The following CD101 variants were observed in gnomAD, a reference collection of about 807,000 sequenced individuals.
The protein encoded by CD101 is CD101 molecule.
Under a neutral mutation model 98.2 loss-of-function variants are expected in CD101, and 76 were observed. The ratio of observed to expected loss-of-function variants is 0.77; its 90% CI spans 0.64 to 0.94. CD101 has a LOEUF of 0.94. Among genes scored for constraint, CD101 ranks in the 40% least tolerant of loss-of-function variants. The pLI, the probability that CD101 is intolerant of heterozygous loss-of-function variation, is 0.00. For synonymous variants in CD101, 471 were observed against 472.7 expected (o/e 1.00, Z 0.05); for missense variants, 1,145 against 1,218.8 (o/e 0.94, Z 0.90).
In CD101 at chr1:117,021,831, A is replaced by G; in HGVS notation, c.2276A>G (p.Asp759Gly). 1 of 1,614,162 alleles carries G rather than the reference A, an allele frequency of 6.2e-7. No homozygotes were observed. Among genetic ancestry groups the G allele is most frequent in the South Asian group, 1.1e-5 (1 of 91,082 alleles). Residue 759 changes from aspartate to glycine, a missense_variant, in exon 7 of 10, where the codon GAC becomes GGC. Physicochemically the swap from Asp to Gly is moderately conservative, Grantham distance 94 (BLOSUM62 -1). Transcript: ENST00000682167. This position sits in a 1 kb window ranked among gnomAD's most constrained non-coding sequence, Gnocchi z 4.7. Reference sequence around the variant, plus strand: ...TTTCATACTGAGAAGGTTTCCCAAGACTTATTTCAGCTGCACATTCTGAAT... The same window carrying G: ...TTTCATACTGAGAAGGTTTCCCAAGGCTTATTTCAGCTGCACATTCTGAAT... ...QKFHTEKVSQ[D>G]LFQLHILNVE...
Position 117,005,550 on chromosome 1 carries a change from C to T in CD101, c.43+3690C>T, listed in dbSNP as rs985299392. On this transcript the variant is annotated intron_variant, in intron 1 of 9. Coordinates refer to ENST00000682167, the MANE Select transcript of CD101 (RefSeq NM_001256106.3). The surrounding 1 kb of genome is among the most constrained non-coding windows in gnomAD (Gnocchi z 4.4). ...GAATGTTCTTCCCTTGATTTCCAGCCGCTGTGTCCTAGTTGCCCTCCATCT... is the reference window on the plus strand; with the variant it reads ...GAATGTTCTTCCCTTGATTTCCAGCTGCTGTGTCCTAGTTGCCCTCCATCT... 8.5e-5 allele frequency among the ~76,000 whole-genome samples: 13 copies of T among 152,170 alleles called. No homozygotes were observed. The highest frequency in any genetic ancestry group is 1.4e-4 in the African/African-American group (6 of 41,428).
At position 117,033,545 on chromosome 1, in the gene CD101, AAAG is replaced by A. The variant is rs1265769889; in HGVS notation, c.2825-310_2825-308del. 6.6e-6 allele frequency among the ~76,000 whole-genome samples: 1 copy of A among 152,186 alleles called. No homozygotes were observed. ...TGAATTATAGATATCTTTTCTGAAG[AAAG>A]AAGATTAAAGGAGAGGTTTTCTTTT... On this transcript the variant is annotated intron_variant, in intron 8 of 9. Transcript: ENST00000682167. This position sits in a 1 kb window ranked among gnomAD's most constrained non-coding sequence, Gnocchi z 4.8.
rs1206887518 is a variant in CD101 at position 117,019,151 on chromosome 1, T to C, written c.2017+591T>C. 1.3e-5 allele frequency among the ~76,000 whole-genome samples: 2 copies of C among 152,328 alleles called. No homozygotes were observed. Among genetic ancestry groups the C allele is most frequent in the Non-Finnish European group, 2.9e-5 (2 of 68,024 alleles). On this transcript the variant is annotated intron_variant, in intron 6 of 9. Transcript: ENST00000682167. This position sits in a 1 kb window ranked among gnomAD's most constrained non-coding sequence, Gnocchi z 4.3. ...GCTGTGTCATGTATCTTCTCTCTTA[T>C]AGTTTGCATTCTCTTAGGAAGAGTG...
At chr1:117,015,122 A>G (rs752096684) in intron 4 of CD101, among the ~76,000 whole-genome samples, 15 of 152,208 alleles carry the variant, frequency 9.9e-5, no homozygotes, top group Admixed American at 2.0e-4. Flanking sequence ...TGGAGTCTAC[A>G]CTGGGCTTAC....
At position 117,005,429 on chromosome 1, in the gene CD101, A is replaced by G. The variant is rs1336112265; in HGVS notation, c.43+3569A>G. Among the ~76,000 whole-genome samples, 1 of 152,140 alleles carries G rather than the reference A, an allele frequency of 6.6e-6. No individual in the cohort carries two copies. Among genetic ancestry groups the G allele is most frequent in the African/African-American group, 2.4e-5 (1 of 41,426 alleles). On this transcript the variant is annotated intron_variant, in intron 1 of 9. Coordinates refer to ENST00000682167, the MANE Select transcript of CD101 (RefSeq NM_001256106.3). This position sits in a 1 kb window ranked among gnomAD's most constrained non-coding sequence, Gnocchi z 4.4. ...ATCCCTTTTACAAAGATCTTCATGG[A>G]CATCCTCCTCATCGAGCTAACAGGA...
chr1:117,034,017 A>G lies in CD101; in HGVS notation c.2982A>G (p.Glu994=). 4 of 1,614,194 alleles carry G rather than the reference A, an allele frequency of 2.5e-6. No individual in the cohort carries two copies. The African/African-American group carries it at 5.3e-5, about 22-fold the overall frequency. Residue 994 remains glutamate, a synonymous_variant, in exon 9 of 10, where the codon GAA becomes GAG. Coordinates refer to ENST00000682167, the MANE Select transcript of CD101 (RefSeq NM_001256106.3). The part of the protein sequence containing the change: ...LSTLRSNTRK[E]KALWVDLKEA... ...CACTGCGTTCCAACACACGGAAAGA[A>G]AAAGCTCTCTGGGTGGACTTGAAAG...
chr1:117,003,654 T>C (rs1161979065), intron 1 of CD101, among the ~76,000 whole-genome samples: 1 of 152,208 alleles, frequency 6.6e-6, no homozygotes, highest in East Asian at 1.9e-4. Context: ...TCTCTTTTTT[T>C]GGTAAGCAGG....
intron 8 of CD101, among the ~76,000 whole-genome samples, chr1:117,031,573 T>C (rs372028540): frequency 2.0e-5 from 3 of 152,228 alleles, no homozygotes; most frequent in East Asian, 3.8e-4. Flanking sequence ...GTGGGAGAGA[T>C]ATCTGTAGGC....
Position 117,011,799 on chromosome 1 carries a change from A to G in CD101, c.674A>G (p.Asn225Ser), listed in dbSNP as rs3754112. 0.29 allele frequency: 462,750 copies of G among 1,613,850 alleles called. 71,147 individuals are homozygous for G. The highest frequency in any genetic ancestry group is 0.32 in the Non-Finnish European group (375,601 of 1,179,866). ...TTTGCAGCCAGTGACGTACAGCTCA[A>G]CAAACTGGGACCCACTACATTCAGG... The part of the protein sequence containing the change: ...ERFAASDVQL[N>S]KLGPTTFRLS... The change falls in exon 3 of 10, where the codon AAC (asparagine) becomes AGC (serine). Residue 225 changes from asparagine (N) to serine (S), a missense_variant. Transcript: ENST00000682167.
chr1:117,013,286 T>C (rs1652997050), intron 3 of CD101, 120 bp from the exon 4 acceptor site: 4 of 1,241,120 alleles, frequency 3.2e-6, no homozygotes, highest in South Asian at 3.1e-5. Flanking sequence ...GCTATAGAAT[T>C]GAACTCCCAC....
At chr1:117,024,969 A>G (rs1653811456) in intron 7 of CD101, among the ~76,000 whole-genome samples, 1 of 152,206 alleles carries the variant, frequency 6.6e-6, no homozygotes, top group Non-Finnish European at 1.5e-5. Flanking sequence ...AGGGTCCAGC[A>G]GGCAAGCAGT....
intron 8 of CD101, among the ~76,000 whole-genome samples, chr1:117,029,199 G>GAA (rs1168388828): frequency 2.5e-5 from 1 of 40,662 alleles, no homozygotes; most frequent in Non-Finnish European, 4.4e-5. Context: ...AAGAAAGAAA[G>GAA]AAAGAAAAGA....
rs187457172 is a variant in CD101, at chr1:117,012,197, C to T, written c.841+231C>T. Among the ~76,000 whole-genome samples the T allele has an allele frequency of 2.6e-5, 4 of 152,206 alleles. No homozygotes were observed. The highest frequency in any genetic ancestry group is 5.9e-5 in the Non-Finnish European group (4 of 68,038). ...GATAAGGTCTACTGAGTGGCTAGAT[C>T]GATTCCACAAGCCAGTCATGGAAGT... On this transcript the variant is annotated intron_variant, in intron 3 of 9. Transcript: ENST00000682167. This position sits in a 1 kb window ranked among gnomAD's most constrained non-coding sequence, Gnocchi z 4.0.
intron 1 of CD101, among the ~76,000 whole-genome samples, chr1:117,008,888 C>A (rs1444416371): frequency 6.6e-6 from 1 of 152,198 alleles, no homozygotes; most frequent in Non-Finnish European, 1.5e-5. Context: ...ACCCTGTCTT[C>A]CCTTTTACAG....
At chr1:117,031,958 G>A (rs1570750217) in intron 8 of CD101, among the ~76,000 whole-genome samples, 1 of 152,284 alleles carries the variant, frequency 6.6e-6, no homozygotes, top group East Asian at 1.9e-4. Context: ...CATCATTGCA[G>A]TCTATGCTTC....
At chr1:117,007,499 C>T (rs1218351532) in intron 1 of CD101, among the ~76,000 whole-genome samples, 5 of 152,136 alleles carry the variant, frequency 3.3e-5, no homozygotes, top group Admixed American at 6.5e-5. Context: ...AGGCACCTTG[C>T]CACCATGCCT....
Position 117,012,927 on chromosome 1 carries a change from G to A in CD101, c.842-479G>A, listed in dbSNP as rs957347481. ...TGTTCCACTAAAAATTGTCCTGTTG[G>A]CCTCAAGTATCCAAGTTATACTCAT... is the stretch of plus-strand genomic sequence containing the variant. On this transcript the variant is annotated intron_variant, in intron 3 of 9. Coordinates refer to ENST00000682167, the MANE Select transcript of CD101 (RefSeq NM_001256106.3). This position sits in a 1 kb window ranked among gnomAD's most constrained non-coding sequence, Gnocchi z 4.0. Among the ~76,000 whole-genome samples, 2 of 151,980 alleles carry A rather than the reference G, an allele frequency of 1.3e-5. No individual in the cohort carries two copies. The highest frequency in any genetic ancestry group is 2.4e-5 in the African/African-American group (1 of 41,368).
At position 117,036,114 on chromosome 1, in the gene CD101, G is replaced by A. The variant is rs1482969830; in HGVS notation, c.*34-54G>A. On this transcript the variant is annotated intron_variant, in intron 9 of 9. Coordinates refer to ENST00000682167, the MANE Select transcript of CD101 (RefSeq NM_001256106.3). This position sits in a 1 kb window ranked among gnomAD's most constrained non-coding sequence, Gnocchi z 5.0. ...GAGGAGATGTAAGCAGACAGGGAGG[G>A]TCTCCTGGGAAAGCAGACATTTAAC... The A allele has an allele frequency of 1.3e-5, 2 of 152,178 alleles. No individual in the cohort carries two copies. Among genetic ancestry groups the A allele is most frequent in the Non-Finnish European group, 2.9e-5 (2 of 68,086 alleles). 9.4% of individuals were successfully genotyped at this position (152,178 alleles called of 1,614,324 possible).
chr1:117,001,894 A>T (rs763558160), intron 1 of CD101, 34 bp downstream of exon 1: 3 of 1,608,018 alleles, frequency 1.9e-6, no homozygotes, highest in Non-Finnish European at 2.6e-6. Flanking sequence ...TTCTCTTGTC[A>T]CAGGAGTTCA....
Sources: gnomAD v4.1 joint callset for allele counts (sites outside exome capture counted in the v4.1 genomes callset) on GRCh38, gnomAD v4.1.1 for gene constraint, Gnocchi (gnomAD v3.1) non-coding constraint, MANE v1.5 for transcripts, NCBI Gene and HGNC (gene_info 2026-07-23, HGNC 2026-07-21) for gene names.